Variants in INTS11 observed in about 807,000 individuals in gnomAD.
The protein encoded by INTS11 is CPSF3-like protein.
INTS11 carries 77 observed loss-of-function variants against 78.6 expected under a neutral mutation model. The observed-to-expected ratio is 0.98, with a 90% CI of 0.81 to 1.18. The LOEUF is 1.18. Among genes scored for constraint, INTS11 ranks in the 50% most tolerant of loss-of-function variants. The pLI is 0.00. For synonymous variants in INTS11, 441 were observed against 326.9 expected (o/e 1.35, Z -3.77); for missense variants, 875 against 825.9 (o/e 1.06, Z -0.73).
rs533194676 is a variant in INTS11, at chr1:1,321,667, C to G, written c.29-574G>C. ...CAGTGGCCAGCGTGGCAACACGAGC[C>G]TCACACCACTGCACACCATGCAGCC... On this transcript the variant is annotated intron_variant, in intron 1 of 16. Coordinates refer to ENST00000435064, the MANE Select transcript of INTS11 (RefSeq NM_017871.6). Among the ~76,000 whole-genome samples, 175 of 152,344 alleles carry G rather than the reference C, an allele frequency of 1.1e-3. 1 individual carries two copies. Among genetic ancestry groups the G allele is most frequent in the African/African-American group, 3.8e-3 (159 of 41,584 alleles).
At position 1,320,863 on chromosome 1, in the gene INTS11, C is replaced by G. The variant is rs1407324483; in HGVS notation, c.126+133G>C. 2.8e-5 allele frequency: 25 copies of G among 880,818 alleles called. No homozygotes were observed. In the Admixed American group the frequency reaches 4.7e-4, roughly 16 times the overall value. The allele number at this position is 880,818 out of a possible 1,614,324, so 54.6% of individuals were successfully genotyped here. ...CCTCGGCCAGGCCCACCCATCCCTG[C>G]TCCCCACAGGGTGCAGCCATCCAAG... On this transcript the variant is annotated intron_variant, in intron 2 of 16. Coordinates refer to ENST00000435064, the MANE Select transcript of INTS11 (RefSeq NM_017871.6).
intron 4 of INTS11, chr1:1,318,831 G>T (rs1204370959): frequency 1.6e-6 from 1 of 613,856 alleles, no homozygotes; most frequent in African/African-American, 1.8e-5. Context: ...GTCAGAAATG[G>T]AATTTCACCT....
chr1:1,319,619 G>A, intron 3 of INTS11, 95 bp from the exon 4 acceptor site: 2 of 812,444 alleles, frequency 2.5e-6, no homozygotes, highest in Non-Finnish European at 1.9e-6. Flanking sequence ...TCATTCGCCT[G>A]CTGTGCGCCA....
At position 1,312,357 on chromosome 1, in the gene INTS11, C is replaced by T; in HGVS notation, c.1476G>A (p.Leu492=). The change falls in exon 15 of 17, where the codon CTG becomes CTA. Residue 492 remains leucine, a synonymous_variant. Transcript: ENST00000435064. Reference sequence around the variant, plus strand: ...CTTTGAGGGCTTGCTCTGAGGACACCAGCCGGAAGTTCTGTGGGGCAGGGA... The same window carrying T: ...CTTTGAGGGCTTGCTCTGAGGACACTAGCCGGAAGTTCTGTGGGGCAGGGA... ...TLIMKDSNFR[L]VSSEQALKEL... The T allele has an allele frequency of 6.4e-7, 1 of 1,564,822 alleles. No homozygotes were observed. The highest frequency in any genetic ancestry group is 8.7e-7 in the Non-Finnish European group (1 of 1,154,322).
intron 1 of INTS11, chr1:1,323,032 G>A: frequency 7.1e-7 from 1 of 1,414,852 alleles, no homozygotes; most frequent in South Asian, 1.6e-5. Context: ...GGCAGGCTGG[G>A]AGGACCCCAC....
intron 1 of INTS11, chr1:1,321,885 T>C (rs1642966104): frequency 1.5e-6 from 2 of 1,321,790 alleles, no homozygotes; most frequent in South Asian, 1.9e-5. Flanking sequence ...CAGTGAACAG[T>C]TTTCCCCTTG....
intron 3 of INTS11, chr1:1,319,889 G>C (rs1642843365): frequency 3.9e-6 from 1 of 253,604 alleles, no homozygotes; most frequent in East Asian, 9.4e-5. Flanking sequence ...GCAGCGCCTG[G>C]CAAGCCCCAG....
intron 4 of INTS11, chr1:1,317,404 AAG>A: frequency 2.2e-6 from 2 of 903,530 alleles, no homozygotes; most frequent in Non-Finnish European, 2.6e-6. Context: ...TCAAAAAAAA[AAG>A]AAAAAAAAAA....
chr1:1,311,621 G>T lies in INTS11; in HGVS notation c.*238C>A, dbSNP rs900800170. 1 of 714,254 alleles carries T rather than the reference G, an allele frequency of 1.4e-6. No homozygotes were observed. The allele number at this position is 714,254 out of a possible 1,614,324, so 44.2% of individuals were successfully genotyped here. A position where few individuals can be genotyped will look rare whatever the true frequency, so the allele number is the denominator to read the frequency against. On this transcript the variant is annotated 3_prime_UTR_variant, in exon 17 of 17. Coordinates refer to ENST00000435064, the MANE Select transcript of INTS11 (RefSeq NM_017871.6). ...GTAGTCTTTTGTTCAGCTTTTACTG[G>T]AAACTGCTGTCTAGGACCACCTGCC...
rs371662193 is a variant in INTS11 at position 1,312,698 on chromosome 1, C to G, written c.1297G>C (p.Val433Leu). Residue 433 changes from valine (V) to leucine (L), a missense_variant and splice_region_variant, in exon 13 of 17, where the codon GTC becomes CTC. By Grantham distance (32) the Val-to-Leu change is conservative. Coordinates refer to ENST00000435064, the MANE Select transcript of INTS11 (RefSeq NM_017871.6). Reference protein sequence around the residue: ...LKQKIEQELRVNCYMPANGET... With the variant: ...LKQKIEQELRLNCYMPANGET... Reference sequence around the variant, plus strand: ...CCATTGGCCGGCATGTAGCAGTTGACCCCTGGACCCCGGGGGAAGAGAGAG... The same window carrying G: ...CCATTGGCCGGCATGTAGCAGTTGAGCCCTGGACCCCGGGGGAAGAGAGAG... 3.8e-5 allele frequency: 60 copies of G among 1,592,248 alleles called. No homozygotes were observed. The African/African-American group carries it at 6.0e-4, about 16-fold the overall frequency.
chr1:1,318,141 A>G (rs1350851572), intron 4 of INTS11, among the ~76,000 whole-genome samples: 1 of 152,178 alleles, frequency 6.6e-6, no homozygotes, highest in Non-Finnish European at 1.5e-5. Flanking sequence ...AAGTGCTGGG[A>G]TTACAGGCGT....
In INTS11 at chr1:1,314,305, AG is replaced by A; in HGVS notation, c.762del (p.Phe255SerfsTer5). The A allele has an allele frequency of 1.3e-6, 2 of 1,599,530 alleles. No individual in the cohort carries two copies. The highest frequency in any genetic ancestry group is 1.7e-6 in the Non-Finnish European group (2 of 1,174,354). On this transcript the variant is annotated frameshift_variant, in exon 8 of 17. Coordinates refer to ENST00000435064, the MANE Select transcript of INTS11 (RefSeq NM_017871.6). LOFTEE classifies it high-confidence loss of function. This position sits in a 1 kb window ranked among gnomAD's most constrained non-coding sequence, Gnocchi z 4.2. ...AGCCGTCCTGGCGGCACCTACCAGA[AG>A]GTCTCCAGGAGGATGCAGAGCTCCT... Reference protein sequence around the residue: ...RAQELCILLETFWERMNLKVP... With the variant: ...RAQELCILLEXFWERMNLKVP...
Position 1,313,750 on chromosome 1 carries a change from AGCAAAAGCCCG to A in INTS11, c.928_938del (p.Arg310Ter). The A allele has an allele frequency of 5.0e-6, 8 of 1,613,068 alleles. No individual in the cohort carries two copies. Among genetic ancestry groups the A allele is most frequent in the Non-Finnish European group, 6.8e-6 (8 of 1,179,944 alleles). ...GCCTCACCATCGGTCCTGGGTTGTCAGCAAAAGCCCGGTCGAAGGCCTTGATGTGCTTGAAC... is the reference window on the plus strand; with the variant it reads ...GCCTCACCATCGGTCCTGGGTTGTCAGTCGAAGGCCTTGATGTGCTTGAAC... On this transcript the variant is annotated frameshift_variant, in exon 9 of 17. Coordinates refer to ENST00000435064, the MANE Select transcript of INTS11 (RefSeq NM_017871.6). LOFTEE classifies it high-confidence loss of function.
rs1642237846 is a variant in INTS11, at chr1:1,312,213, G to A, written c.1607+13C>T. The A allele has an allele frequency of 1.1e-6, 1 of 934,628 alleles. No homozygotes were observed. Among genetic ancestry groups the A allele is most frequent in the African/African-American group, 1.8e-5 (1 of 55,394 alleles). The allele number at this position is 934,628 out of a possible 1,614,324, so 57.9% of individuals were successfully genotyped here. A position where few individuals can be genotyped will look rare whatever the true frequency, so the allele number is the denominator to read the frequency against. On this transcript the variant is annotated intron_variant, in intron 15 of 16. Coordinates refer to ENST00000435064, the MANE Select transcript of INTS11 (RefSeq NM_017871.6). ...CCCAAGGGAGTGGGGGGGGGGCGGGGCCGGGCGCCCACCTCTTGAGGTGGC... is the reference window on the plus strand; with the variant it reads ...CCCAAGGGAGTGGGGGGGGGGCGGGACCGGGCGCCCACCTCTTGAGGTGGC...
Position 1,314,807 on chromosome 1 carries a change from A to G in INTS11, c.702+17T>C. 6.2e-7 allele frequency: 1 copy of G among 1,604,930 alleles called. No individual in the cohort carries two copies. Among genetic ancestry groups the G allele is most frequent in the South Asian group, 1.1e-5 (1 of 90,782 alleles). ...AGCATGGCCGAGGGCCCATGTCCCC[A>G]CCCCTGCTGCAGCTACCTTCCCACC... On this transcript the variant is annotated intron_variant, in intron 7 of 16. Transcript: ENST00000435064. This position sits in a 1 kb window ranked among gnomAD's most constrained non-coding sequence, Gnocchi z 4.2.
At chr1:1,319,168 G>GC (rs1332024179) in intron 4 of INTS11, 128 bp downstream of exon 4, 1 of 887,102 alleles carries the variant, frequency 1.1e-6, no homozygotes, top group Non-Finnish European at 1.9e-6. Context: ...GGTGCTGGAC[G>GC]CAAGAGTGAG....
Position 1,311,851 on chromosome 1 carries a change from T to C in INTS11, c.*8A>G, listed in dbSNP as rs1642180960. The C allele has an allele frequency of 6.5e-7, 1 of 1,544,474 alleles. No individual in the cohort carries two copies. The highest frequency in any genetic ancestry group is 1.2e-5 in the South Asian group (1 of 80,656). ...GGGCAGAGGTGGCGGCTGGGTGAGT[T>C]GCCGGCCTCAGCTGGGGGCCTGGGG... is the stretch of plus-strand genomic sequence containing the variant. On this transcript the variant is annotated 3_prime_UTR_variant, in exon 17 of 17. Coordinates refer to ENST00000435064, the MANE Select transcript of INTS11 (RefSeq NM_017871.6).
In INTS11 at chr1:1,312,686, T is replaced by C; in HGVS notation, c.1309A>G (p.Met437Val). The C allele has an allele frequency of 1.3e-6, 2 of 1,594,722 alleles. No individual in the cohort carries two copies. Among genetic ancestry groups the C allele is most frequent in the Non-Finnish European group, 1.7e-6 (2 of 1,167,450 alleles). Reference sequence around the variant, plus strand: ...GTCACCGTCTCGCCATTGGCCGGCATGTAGCAGTTGACCCCTGGACCCCGG... The same window carrying C: ...GTCACCGTCTCGCCATTGGCCGGCACGTAGCAGTTGACCCCTGGACCCCGG... ...IEQELRVNCYMPANGETVTLP... is the reference protein window; with the variant it reads ...IEQELRVNCYVPANGETVTLP... The change falls in exon 13 of 17, where the codon ATG becomes GTG. Residue 437 changes from methionine to valine, a missense_variant. By Grantham distance (21) the Met-to-Val change is conservative. Coordinates refer to ENST00000435064, the MANE Select transcript of INTS11 (RefSeq NM_017871.6).
chr1:1,315,233 G>A, intron 6 of INTS11, 171 bp downstream of exon 6: 2 of 829,098 alleles, frequency 2.4e-6, no homozygotes, highest in South Asian at 1.6e-5. Flanking sequence ...GCCCCTGCCT[G>A]GACCCTGTGC....
Sources: gnomAD v4.1 joint callset for allele counts (sites outside exome capture counted in the v4.1 genomes callset) on GRCh38, gnomAD v4.1.1 for gene constraint, Gnocchi (gnomAD v3.1) non-coding constraint, MANE v1.5 for transcripts, NCBI Gene and HGNC (gene_info 2026-07-23, HGNC 2026-07-21) for gene names.